The following RERE variants were observed in gnomAD, a reference collection of about 807,000 sequenced individuals.
The protein encoded by RERE is arginine-glutamic acid dipeptide repeats protein.
In RERE, 40 loss-of-function variants were observed where a neutral mutation model predicts 146.1. That is an observed-to-expected ratio of 0.27 (90% CI 0.21 to 0.36). The LOEUF is 0.36. Among genes scored for constraint, RERE ranks in the 10% least tolerant of loss-of-function variants. RERE has a pLI of 1.00. For synonymous variants in RERE, 1,003 were observed against 866.0 expected, an observed-to-expected ratio of 1.16 and a Z score of -2.78; for missense variants, 1,933 against 2,138.7, an observed-to-expected ratio of 0.90 and a Z score of 1.90.
chr1:8,463,563 T>C (rs992697705), intron 11 of RERE, among the ~76,000 whole-genome samples: 4 of 152,154 alleles, frequency 2.6e-5, no homozygotes, highest in Non-Finnish European at 4.4e-5. Context: ...GGAAAGCAGC[T>C]TTCTCTTCAG....
In RERE at chr1:8,703,397, T is replaced by A. The variant is rs530733948; in HGVS notation, c.-144-46956A>T. On this transcript the variant is annotated intron_variant, in intron 1 of 22. Transcript: ENST00000400908. Reference sequence around the variant, plus strand: ...GGGAGGCCGGGCCAGCACTGCCACATGCCGGTGACCCAGACGCCGGGAGAG... The same window carrying A: ...GGGAGGCCGGGCCAGCACTGCCACAAGCCGGTGACCCAGACGCCGGGAGAG... 5.3e-5 allele frequency among the ~76,000 whole-genome samples: 8 copies of A among 151,650 alleles called. No homozygotes were observed. In the East Asian group the frequency reaches 1.4e-3, roughly 26 times the overall value.
chr1:8,639,696 A>G (rs1159116355), intron 2 of RERE, among the ~76,000 whole-genome samples: 2 of 152,214 alleles, frequency 1.3e-5, no homozygotes, highest in African/African-American at 4.8e-5. Context: ...CTTTTCAGTT[A>G]AACTGTTCCT....
intron 8 of RERE, among the ~76,000 whole-genome samples, chr1:8,500,252 T>C (rs1223492177): frequency 1.3e-5 from 2 of 152,360 alleles, no homozygotes; most frequent in African/African-American, 2.4e-5. Context: ...AGTTCTCTAA[T>C]GTCTGTTATT....
chr1:8,748,070 G>A (rs893529789), intron 1 of RERE, among the ~76,000 whole-genome samples: 7 of 152,062 alleles, frequency 4.6e-5, no homozygotes, highest in East Asian at 1.9e-4. Flanking sequence ...GAGCCACCAC[G>A]CCCGGCCATA....
chr1:8,713,880 G>A (rs1340845474), intron 1 of RERE, among the ~76,000 whole-genome samples: 1 of 151,916 alleles, frequency 6.6e-6, no homozygotes, highest in Non-Finnish European at 1.5e-5. Context: ...AGCTTACACA[G>A]GCAATCAAAA....
chr1:8,602,260 G>A lies in RERE; in HGVS notation c.522+12301C>T, dbSNP rs189185283. On this transcript the variant is annotated intron_variant, in intron 4 of 22. Coordinates refer to ENST00000400908, the MANE Select transcript of RERE (RefSeq NM_001042681.2). Reference sequence around the variant, plus strand: ...AAAAAAATCAGCCAGGCGTGGTGGCGGGCGCCTGTAGTCCCAGCTACTCGG... The same window carrying A: ...AAAAAAATCAGCCAGGCGTGGTGGCAGGCGCCTGTAGTCCCAGCTACTCGG... Among the ~76,000 whole-genome samples the A allele has an allele frequency of 3.6e-3, 546 of 151,884 alleles. 4 individuals are homozygous for A. The highest frequency in any genetic ancestry group is 4.6e-3 in the South Asian group (22 of 4,810).
chr1:8,702,833 C>T (rs758862179), intron 1 of RERE, among the ~76,000 whole-genome samples: 1 of 152,180 alleles, frequency 6.6e-6, no homozygotes, highest in Non-Finnish European at 1.5e-5. Context: ...TTTGGGGCTA[C>T]TTAAAAACTA....
Position 8,626,693 on chromosome 1 carries a change from C to T in RERE, c.326-2313G>A, listed in dbSNP as rs535881907. ...CCCCACAATAAACTTCTCCTCCACA[C>T]AGAAACATTCCAAGCCTGTGATAAG... On this transcript the variant is annotated intron_variant, in intron 2 of 22. Transcript: ENST00000400908. Among the ~76,000 whole-genome samples the T allele has an allele frequency of 1.2e-4, 19 of 152,334 alleles. No homozygotes were observed. The East Asian group carries it at 3.5e-3, about 28-fold the overall frequency.
At chr1:8,450,915 C>T (rs2124068985) in intron 11 of RERE, among the ~76,000 whole-genome samples, 1 of 152,332 alleles carries the variant, frequency 6.6e-6, no homozygotes, top group South Asian at 2.1e-4. Flanking sequence ...TCTGTGTCTA[C>T]CATTCTTGGT....
intron 1 of RERE, among the ~76,000 whole-genome samples, chr1:8,734,013 CAGG>C (rs1557510989): frequency 1.4e-5 from 2 of 145,592 alleles, no homozygotes; most frequent in African/African-American, 5.1e-5. Context: ...GAGGCTGATG[CAGG>C]AGAATTGCTT....
chr1:8,360,439 G>T lies in RERE; in HGVS notation c.3068C>A (p.Thr1023Lys). ...LPPPPASHPP[T>K]GLHQVAPQPP... The stretch of plus-strand genomic sequence containing the variant: ...TTGGGGGGCCACCTGGTGGAGGCCT[G>T]TAGGGGGGTGGGAGGCAGGGGGCGG... Residue 1023 changes from threonine (T) to lysine (K), a missense_variant, in exon 18 of 23, where the codon ACA (threonine) becomes AAA (lysine). Around this residue, in one of 11 missense-constraint regions of RERE, gnomAD observed 1,255 missense variants for 1,153.8 expected, o/e 1.09. Coordinates refer to ENST00000400908, the MANE Select transcript of RERE (RefSeq NM_001042681.2). 2 of 853,798 alleles carry T rather than the reference G, an allele frequency of 2.3e-6. No homozygotes were observed. The highest frequency in any genetic ancestry group is 3.3e-6 in the Non-Finnish European group (2 of 606,702). 52.9% of individuals were successfully genotyped at this position (853,798 alleles called of 1,614,324 possible).
At chr1:8,481,362 C>T (rs1644831794) in intron 10 of RERE, among the ~76,000 whole-genome samples, 1 of 152,152 alleles carries the variant, frequency 6.6e-6, no homozygotes, top group African/African-American at 2.4e-5. Flanking sequence ...GATCTGCCTG[C>T]CTTGGCCTCC....
intron 1 of RERE, among the ~76,000 whole-genome samples, chr1:8,697,364 T>C (rs1639353910): frequency 1.3e-5 from 2 of 150,674 alleles, no homozygotes; most frequent in East Asian, 1.9e-4. Context: ...CACATGTATC[T>C]TTCTTCCCCC....
At chr1:8,724,714 A>T (rs895238809) in intron 1 of RERE, among the ~76,000 whole-genome samples, 2 of 152,100 alleles carry the variant, frequency 1.3e-5, no homozygotes, top group Non-Finnish European at 2.9e-5. Flanking sequence ...CTGTAATCCC[A>T]GCTACTCAGG....
intron 6 of RERE, among the ~76,000 whole-genome samples, chr1:8,550,682 G>A (rs1049472385): frequency 6.6e-6 from 1 of 152,128 alleles, no homozygotes; most frequent in African/African-American, 2.4e-5. Flanking sequence ...TAGTACCTGG[G>A]ACTACAGGCA....
chr1:8,610,951 T>C (rs967981719), intron 4 of RERE, among the ~76,000 whole-genome samples: 12 of 150,614 alleles, frequency 8.0e-5, no homozygotes, highest in African/African-American at 2.7e-4. Flanking sequence ...TCCCAGCACT[T>C]TGGGAGGCCT....
chr1:8,396,776 A>G (rs758795611), intron 12 of RERE, among the ~76,000 whole-genome samples: 1 of 152,192 alleles, frequency 6.6e-6, no homozygotes, highest in Non-Finnish European at 1.5e-5. Flanking sequence ...AAACGCTTTC[A>G]TCATCCCCCA....
chr1:8,395,452 G>C (rs1643022564), intron 12 of RERE, among the ~76,000 whole-genome samples: 1 of 148,734 alleles, frequency 6.7e-6, no homozygotes, highest in African/African-American at 2.5e-5. Context: ...TCCAGCCTGA[G>C]CAACAGAGTG....
intron 8 of RERE, among the ~76,000 whole-genome samples, chr1:8,500,806 G>A (rs2124259396): frequency 6.6e-6 from 1 of 151,506 alleles, no homozygotes; most frequent in South Asian, 2.1e-4. Flanking sequence ...GATGTGGGGA[G>A]CGCCTCTGCC....
Sources: allele counts gnomAD v4.1 joint callset (sites outside exome capture counted in the v4.1 genomes callset), GRCh38; gene constraint gnomAD v4.1.1; regional missense constraint gnomAD v4.1.1; transcripts MANE v1.5; gene names NCBI Gene and HGNC (gene_info 2026-07-23, HGNC 2026-07-21).